The following WDR11 variants were observed in gnomAD, a reference collection of about 807,000 sequenced individuals.
WDR11 encodes WD repeat-containing protein 11.
A neutral mutation model predicts 151.2 loss-of-function variants in WDR11; 83 were observed. The ratio of observed to expected loss-of-function variants is 0.55; its 90% CI spans 0.46 to 0.66. The LOEUF (loss-of-function observed/expected upper bound fraction) is 0.66, where lower values mean the gene tolerates loss of function less well. Ranked by LOEUF, WDR11 falls within the 30% of genes least tolerant of loss-of-function variation. The pLI is 0.00. For missense variants in WDR11, 1,301 were observed against 1,480.9 expected (o/e 0.88, Z 1.99); for synonymous variants, 484 against 533.1 (o/e 0.91, Z 1.27).
chr10:120,905,523 C>T (rs1237971388), intron 26 of WDR11, 107 bp downstream of exon 26: 1 of 1,147,272 alleles, frequency 8.7e-7, no homozygotes. Flanking sequence ...TGCAAAGCTG[C>T]TTTGCAAATA....
At chr10:120,878,282 T>C (rs1846872761) in intron 11 of WDR11, 71 bp from the exon 12 acceptor site, 6 of 1,286,000 alleles carry the variant, frequency 4.7e-6, no homozygotes, top group Non-Finnish European at 6.6e-6. Context: ...GGAAAACTTA[T>C]TTTTCAAATA....
rs1196060969 is a variant in WDR11 at position 120,909,496 on chromosome 10, CATG to C, written c.*786_*788del. ...AACATAAATGTCTGTAACTTACAAA[CATG>C]ATAAATAAATTAAAAATTCCATCCA... On this transcript the variant is annotated 3_prime_UTR_variant, in exon 29 of 29. Transcript: ENST00000263461. 1 of 152,634 alleles carries C rather than the reference CATG, an allele frequency of 6.6e-6. No individual in the cohort carries two copies. Among genetic ancestry groups the C allele is most frequent in the African/African-American group, 2.4e-5 (1 of 41,442 alleles). The allele number at this position is 152,634 out of a possible 1,614,324, so 9.5% of individuals were successfully genotyped here.
rs772195077 is a variant in WDR11, at chr10:120,873,843, A to G, written c.1476A>G (p.Thr492=). The G allele has an allele frequency of 1.8e-5, 29 of 1,610,538 alleles. No individual in the cohort carries two copies. The highest frequency in any genetic ancestry group is 2.5e-5 in the Non-Finnish European group (29 of 1,176,792). The change falls in exon 11 of 29, where the codon ACA becomes ACG. Residue 492 remains threonine, a synonymous_variant. Coordinates refer to ENST00000263461, the MANE Select transcript of WDR11 (RefSeq NM_018117.12). ...TCCATGATGTCATTTTGAAAGGTAC[A>G]AGTAATGGTTCTGTCCTGGTGTACC... ...KMYQPLLAVG[T]SNGSVLVYHL...
At chr10:120,874,500 A>G (rs558521507) in intron 11 of WDR11, among the ~76,000 whole-genome samples, 30 of 146,348 alleles carry the variant, frequency 2.0e-4, no homozygotes, top group East Asian at 1.3e-3. Flanking sequence ...CTGTCAACCC[A>G]TCACCTAGGT....
chr10:120,853,257 C>T (rs993894362), intron 2 of WDR11, among the ~76,000 whole-genome samples: 1 of 151,526 alleles, frequency 6.6e-6, no homozygotes, highest in African/African-American at 2.4e-5. Flanking sequence ...TGTAAGATTA[C>T]GAAGGAGTTT....
At chr10:120,858,132 C>T (rs959460014) in intron 2 of WDR11, among the ~76,000 whole-genome samples, 14 of 91,336 alleles carry the variant, frequency 1.5e-4, no homozygotes, top group African/African-American at 7.7e-4. Context: ...AGGCATGAAG[C>T]ATTTTTTTTT....
chr10:120,862,742 CA>C lies in WDR11; in HGVS notation c.535del (p.Ser179AlafsTer47). On this transcript the variant is annotated frameshift_variant, in exon 5 of 29. Transcript: ENST00000263461. LOFTEE classifies it high-confidence loss of function. Reference sequence around the variant, plus strand: ...TTGCTTTTCTCAATATAGTGCTTACCAGCGAGGGTATTGTTTTCATCTCAGA... The same window carrying C: ...TTGCTTTTCTCAATATAGTGCTTACCGCGAGGGTATTGTTTTCATCTCAGA... ...FDPSHLTLLT[S>X]EGIVFISDFS... is the part of the protein sequence containing the mutation. 6.2e-7 allele frequency: 1 copy of C among 1,614,024 alleles called. No individual in the cohort carries two copies. The highest frequency in any genetic ancestry group is 8.5e-7 in the Non-Finnish European group (1 of 1,180,014).
chr10:120,868,553 CA>C (rs1319470769), intron 9 of WDR11: 4 of 152,198 alleles, frequency 2.6e-5, no homozygotes, highest in Admixed American at 2.6e-4. Context: ...AAATATTCTA[CA>C]TATTACCTTG....
intron 13 of WDR11, among the ~76,000 whole-genome samples, chr10:120,881,894 A>T (rs1030944181): frequency 6.6e-6 from 1 of 151,974 alleles, no homozygotes; most frequent in African/African-American, 2.4e-5. Flanking sequence ...TAGAACTGAG[A>T]TGTCAGCTAC....
chr10:120,881,732 T>G (rs1171957706), intron 13 of WDR11, among the ~76,000 whole-genome samples: 1 of 152,166 alleles, frequency 6.6e-6, no homozygotes, highest in Non-Finnish European at 1.5e-5. Flanking sequence ...ATGCTAAGCT[T>G]AGTTATTACT....
At chr10:120,906,919 T>C in intron 28 of WDR11, 64 bp downstream of exon 28, 1 of 1,610,668 alleles carries the variant, frequency 6.2e-7, no homozygotes. Flanking sequence ...TTTTGGAATT[T>C]CCCTTAGTTG....
Position 120,908,749 on chromosome 10 carries a change from G to T in WDR11, c.*36G>T. The T allele has an allele frequency of 1.2e-6, 2 of 1,611,104 alleles. No homozygotes were observed. The highest frequency in any genetic ancestry group is 2.2e-5 in the East Asian group (1 of 44,858). ...AATGCCAGGGAATCTGACCTGGAAG[G>T]CAGATGGGAGGGGGCTGGTCTGGCT... On this transcript the variant is annotated 3_prime_UTR_variant, in exon 29 of 29. Transcript: ENST00000263461.
chr10:120,862,537 G>C (rs1390628601), intron 4 of WDR11, 198 bp from the exon 5 acceptor site: 1 of 576,558 alleles, frequency 1.7e-6, no homozygotes, highest in East Asian at 2.9e-5. Context: ...TGCCAAGCTT[G>C]GAGGCCTCTG....
At chr10:120,895,813 C>G (rs555167925) in intron 19 of WDR11, among the ~76,000 whole-genome samples, 6 of 151,936 alleles carry the variant, frequency 3.9e-5, no homozygotes, top group Non-Finnish European at 7.4e-5. Flanking sequence ...CTATCAGATT[C>G]AAAAGCTTGA....
intron 7 of WDR11, 140 bp downstream of exon 7, chr10:120,865,884 G>A: frequency 1.6e-6 from 1 of 637,056 alleles, no homozygotes; most frequent in Non-Finnish European, 2.8e-6. Flanking sequence ...ATAATAAGAG[G>A]CATAAAAAGT....
Position 120,890,808 on chromosome 10 carries a change from C to T in WDR11, c.2436C>T (p.Ala812=). The T allele has an allele frequency of 6.2e-7, 1 of 1,614,104 alleles. No individual in the cohort carries two copies. The highest frequency in any genetic ancestry group is 1.7e-5 in the Admixed American group (1 of 60,012). ...DWCTSDKVIL[A]SDDGCIRVLE... is the part of the protein sequence containing the mutation. ...GTACGTCAGATAAAGTGATCTTGGC[C>T]TCAGATGATGGGTGCATCAGAGTCC... The change falls in exon 19 of 29, where the codon GCC becomes GCT. Residue 812 remains alanine (A), a synonymous_variant. Transcript: ENST00000263461.
rs1476927911 is a variant in WDR11, at chr10:120,862,742, C to T, written c.534C>T (p.Thr178=). ...PFDPSHLTLL[T]SEGIVFISDF... The stretch of plus-strand genomic sequence containing the variant: ...TTGCTTTTCTCAATATAGTGCTTAC[C>T]AGCGAGGGTATTGTTTTCATCTCAG... Residue 178 remains threonine (T), a synonymous_variant, in exon 5 of 29, where the codon ACC becomes ACT. Coordinates refer to ENST00000263461, the MANE Select transcript of WDR11 (RefSeq NM_018117.12). 6.2e-7 allele frequency: 1 copy of T among 1,614,024 alleles called. No individual in the cohort carries two copies.
At chr10:120,873,656 T>G (rs1187969925) in intron 10 of WDR11, among the ~76,000 whole-genome samples, 183 bp from the exon 11 acceptor site, 1 of 152,234 alleles carries the variant, frequency 6.6e-6, no homozygotes, top group African/African-American at 2.4e-5. Context: ...AGGCCCATTT[T>G]TTTTATAAGG....
At chr10:120,875,439 G>T (rs1846731035) in intron 11 of WDR11, among the ~76,000 whole-genome samples, 1 of 152,136 alleles carries the variant, frequency 6.6e-6, no homozygotes, top group Admixed American at 6.5e-5. Context: ...CTGAATGCAA[G>T]GCTATTTTCC....
Sources: allele counts gnomAD v4.1 joint callset (sites outside exome capture counted in the v4.1 genomes callset), GRCh38; gene constraint gnomAD v4.1.1; transcripts MANE v1.5; gene names NCBI Gene and HGNC (gene_info 2026-07-23, HGNC 2026-07-21).